Variants in KATNAL1 observed in about 807,000 individuals in gnomAD.
The protein encoded by KATNAL1 is katanin catalytic subunit A1 like 1.
In KATNAL1, 32 loss-of-function variants were observed where a neutral mutation model predicts 55.2. The ratio of observed to expected loss-of-function variants is 0.58; its 90% CI spans 0.44 to 0.78. KATNAL1 has a LOEUF of 0.78. KATNAL1 is among the 30% of genes least tolerant of loss of function. The pLI is 0.00. For missense variants in KATNAL1, 466 were observed against 600.9 expected, an observed-to-expected ratio of 0.78 and a Z score of 2.35; for synonymous variants, 193 against 193.6, an observed-to-expected ratio of 1.00 and a Z score of 0.02.
rs1475019468 is a variant in KATNAL1 at position 30,204,428 on chromosome 13, G to A, written c.*4112C>T. On this transcript the variant is annotated 3_prime_UTR_variant, in exon 11 of 11. Coordinates refer to ENST00000380615, the MANE Select transcript of KATNAL1 (RefSeq NM_032116.5). The stretch of plus-strand genomic sequence containing the variant: ...TGCCTAGTCCTTCATTTTATCTCAA[G>A]TTAGGGTGGGGGGAAAGTGAATCAC... 1 of 110,862 alleles carries A rather than the reference G, an allele frequency of 9.0e-6. No homozygotes were observed. The highest frequency in any genetic ancestry group is 2.5e-4 in the East Asian group (1 of 3,976). The allele number at this position is 110,862 out of a possible 1,614,324, so 6.9% of individuals were successfully genotyped here. A position where few individuals can be genotyped will look rare whatever the true frequency, so the allele number is the denominator to read the frequency against.
intron 3 of KATNAL1, 59 bp from the exon 4 acceptor site, chr13:30,255,674 G>T: frequency 7.7e-7 from 1 of 1,305,590 alleles, no homozygotes; most frequent in Non-Finnish European, 9.8e-7. Context: ...AAAGGCAAAA[G>T]TATGTCAATA....
intron 3 of KATNAL1, among the ~76,000 whole-genome samples, chr13:30,268,284 T>C (rs1879937890): frequency 6.6e-6 from 1 of 152,174 alleles, no homozygotes; most frequent in South Asian, 2.1e-4. Flanking sequence ...CATTCTCAAC[T>C]TTACCACAAA....
intron 4 of KATNAL1, among the ~76,000 whole-genome samples, chr13:30,244,409 A>AG (rs1877578302): frequency 6.6e-6 from 1 of 152,196 alleles, no homozygotes; most frequent in South Asian, 2.1e-4. Flanking sequence ...GTGTCTTTAT[A>AG]GAATGATTTA....
intron 8 of KATNAL1, among the ~76,000 whole-genome samples, chr13:30,228,368 G>A (rs146419494): frequency 3.3e-5 from 5 of 152,282 alleles, no homozygotes; most frequent in African/African-American, 4.8e-5. Context: ...TGTTCAGGCT[G>A]GAGTGCTCTG....
chr13:30,295,924 C>G (rs1420668899), intron 1 of KATNAL1, among the ~76,000 whole-genome samples: 1 of 151,602 alleles, frequency 6.6e-6, no homozygotes, highest in African/African-American at 2.4e-5. Context: ...TTGCCCTGGG[C>G]CAGGCACATT....
In KATNAL1 at chr13:30,208,750, C is replaced by A; in HGVS notation, c.1275-12G>T. 1 of 1,572,576 alleles carries A rather than the reference C, an allele frequency of 6.4e-7. No homozygotes were observed. The highest frequency in any genetic ancestry group is 8.7e-7 in the Non-Finnish European group (1 of 1,153,424). On this transcript the variant is annotated splice_polypyrimidine_tract_variant and intron_variant, in intron 10 of 10. Transcript: ENST00000380615. ...TTAAAGAGGCATCCCTAAAAATATA[C>A]CAAAATCAGTCAACAGTAATTTTTG...
rs578043062 is a variant in KATNAL1 at position 30,281,065 on chromosome 13, C to T, written c.163-842G>A. Among the ~76,000 whole-genome samples the T allele has an allele frequency of 2.3e-3, 313 of 134,380 alleles. 2 individuals carry two copies. Among genetic ancestry groups the T allele is most frequent in the Middle Eastern group, 4.5e-3 (1 of 224 alleles). 88.2% of individuals were successfully genotyped at this position (134,380 alleles called of 152,430 possible). On this transcript the variant is annotated intron_variant, in intron 2 of 10. Coordinates refer to ENST00000380615, the MANE Select transcript of KATNAL1 (RefSeq NM_032116.5). ...GAAGGATCACTTGAGCCCAGGAGTT[C>T]GAGGCTACAATCACGCTCCTGCACT...
intron 1 of KATNAL1, among the ~76,000 whole-genome samples, chr13:30,303,486 G>A (rs1214027330): frequency 8.5e-5 from 13 of 152,322 alleles, no homozygotes; most frequent in African/African-American, 2.6e-4. Context: ...GGCTGCTTGA[G>A]CCCAGGAGTT....
intron 1 of KATNAL1, among the ~76,000 whole-genome samples, chr13:30,290,045 A>G (rs1485212087): frequency 6.6e-6 from 1 of 152,230 alleles, no homozygotes; most frequent in Non-Finnish European, 1.5e-5. Context: ...TGCAAAAATC[A>G]TTCCTGATTC....
chr13:30,219,961 A>G (rs920007552), intron 9 of KATNAL1, among the ~76,000 whole-genome samples: 19 of 152,284 alleles, frequency 1.2e-4, no homozygotes, highest in Non-Finnish European at 2.4e-4. Flanking sequence ...GCTGTCATCA[A>G]TTATTTTCTA....
In KATNAL1 at chr13:30,249,211, G is replaced by A. The variant is rs1267196167; in HGVS notation, c.492+6236C>T. 3.3e-5 allele frequency among the ~76,000 whole-genome samples: 5 copies of A among 151,420 alleles called. No individual in the cohort carries two copies. The South Asian group carries it at 8.3e-4, about 25-fold the overall frequency. On this transcript the variant is annotated intron_variant, in intron 4 of 10. Coordinates refer to ENST00000380615, the MANE Select transcript of KATNAL1 (RefSeq NM_032116.5). The stretch of plus-strand genomic sequence containing the variant: ...TGCACCATTGAACTCCAACCTAGGC[G>A]ACAAGAGCGAAATTCTGTCTCAAAA...
intron 9 of KATNAL1, among the ~76,000 whole-genome samples, chr13:30,212,867 G>GT: frequency 6.6e-6 from 1 of 152,324 alleles, no homozygotes; most frequent in South Asian, 2.1e-4. Flanking sequence ...ACTTCAGAAT[G>GT]TGACTGTATT....
At chr13:30,269,513 C>A (rs1166693630) in intron 3 of KATNAL1, among the ~76,000 whole-genome samples, 1 of 152,114 alleles carries the variant, frequency 6.6e-6, no homozygotes, top group Non-Finnish European at 1.5e-5. Flanking sequence ...AAGTGAGGAG[C>A]GTCTCTGCCT....
chr13:30,249,063 A>AC (rs1376683184), intron 4 of KATNAL1, among the ~76,000 whole-genome samples: 2 of 151,526 alleles, frequency 1.3e-5, no homozygotes, highest in African/African-American at 4.8e-5. Flanking sequence ...CGTCTCAAAA[A>AC]AAAAAAAAAA....
chr13:30,259,210 G>A (rs920010197), intron 3 of KATNAL1, among the ~76,000 whole-genome samples: 2 of 152,066 alleles, frequency 1.3e-5, no homozygotes, highest in African/African-American at 4.8e-5. Context: ...CATGGCGGTG[G>A]GCACCTGTAA....
chr13:30,208,311 T>C lies in KATNAL1; in HGVS notation c.*229A>G. ...GACTGGTTTGGGTGTGCAATATTAA[T>C]GCAGGAATACGTGGAATACCAGCAC... On this transcript the variant is annotated 3_prime_UTR_variant, in exon 11 of 11. Transcript: ENST00000380615. The C allele has an allele frequency of 2.3e-6, 1 of 444,356 alleles. No homozygotes were observed. The highest frequency in any genetic ancestry group is 4.0e-6 in the Non-Finnish European group (1 of 251,348). 27.5% of individuals were successfully genotyped at this position (444,356 alleles called of 1,614,324 possible).
chr13:30,223,269 C>T (rs1352842964), intron 9 of KATNAL1, among the ~76,000 whole-genome samples: 1 of 150,468 alleles, frequency 6.6e-6, no homozygotes, highest in African/African-American at 2.4e-5. Context: ...GAAACTCCGT[C>T]TCTACTACTA....
chr13:30,230,642 A>ATT (rs1288702702), intron 7 of KATNAL1, 48 bp from the exon 8 acceptor site: 1 of 1,394,982 alleles, frequency 7.2e-7, no homozygotes, highest in African/African-American at 1.5e-5. Context: ...TCATAAAACA[A>ATT]TTGGAGTATT....
At chr13:30,301,702 C>T (rs972920443) in intron 1 of KATNAL1, among the ~76,000 whole-genome samples, 10 of 152,034 alleles carry the variant, frequency 6.6e-5, no homozygotes, top group African/African-American at 2.4e-4. Flanking sequence ...AGTTACGCAG[C>T]TAATCTAAAA....
Sources: gnomAD v4.1 joint callset for allele counts (sites outside exome capture counted in the v4.1 genomes callset) on GRCh38, gnomAD v4.1.1 for gene constraint, MANE v1.5 for transcripts, NCBI Gene and HGNC (gene_info 2026-07-23, HGNC 2026-07-21) for gene names.